KIAA0825: variants seen among roughly 807,000 people sequenced by gnomAD.
KIAA0825 encodes uncharacterized protein KIAA0825.
A neutral mutation model predicts 147.6 loss-of-function variants in KIAA0825; 119 were observed. That is an observed-to-expected ratio of 0.81 (90% CI 0.69 to 0.94). KIAA0825 has a LOEUF of 0.94. Ranked by LOEUF, KIAA0825 falls within the 40% of genes least tolerant of loss-of-function variation. The pLI, the probability that KIAA0825 is intolerant of heterozygous loss-of-function variation, is 0.00. For synonymous variants in KIAA0825, 470 were observed against 518.1 expected, an observed-to-expected ratio of 0.91 and a Z score of 1.26; for missense variants, 1,381 against 1,472.7, an observed-to-expected ratio of 0.94 and a Z score of 1.02.
At chr5:94,288,894 G>T (rs969864185) in intron 20 of KIAA0825, among the ~76,000 whole-genome samples, 1 of 152,126 alleles carries the variant, frequency 6.6e-6, no homozygotes, top group African/African-American at 2.4e-5. Flanking sequence ...ACTTAAAATC[G>T]TATTAAAAGA....
chr5:94,467,936 A>C (rs946014056), intron 10 of KIAA0825, among the ~76,000 whole-genome samples: 3 of 152,216 alleles, frequency 2.0e-5, no homozygotes, highest in Non-Finnish European at 2.9e-5. Flanking sequence ...GTTTAAAATC[A>C]GTGCTATTTT....
At chr5:94,437,082 C>G (rs962180697) in intron 14 of KIAA0825, among the ~76,000 whole-genome samples, 2 of 152,118 alleles carry the variant, frequency 1.3e-5, no homozygotes, top group African/African-American at 4.8e-5. Context: ...ATATATAATT[C>G]AGAGTATTTT....
At chr5:94,540,681 G>A (rs931886984) in intron 2 of KIAA0825, among the ~76,000 whole-genome samples, 2 of 152,200 alleles carry the variant, frequency 1.3e-5, no homozygotes, top group Non-Finnish European at 2.9e-5. Context: ...TCATGTGACT[G>A]AAGTAATATT....
chr5:94,352,633 C>A (rs414577), intron 20 of KIAA0825, among the ~76,000 whole-genome samples: 58,839 of 151,994 alleles, frequency 0.39, 11,783 homozygotes, highest in African/African-American at 0.47. Context: ...TGTTTATAGC[C>A]GCACAATTCA....
At chr5:94,330,256 G>C (rs1781134059) in intron 20 of KIAA0825, among the ~76,000 whole-genome samples, 1 of 152,138 alleles carries the variant, frequency 6.6e-6, no homozygotes. Flanking sequence ...TTATAGAACA[G>C]GTCTCCCAGT....
At chr5:94,398,515 C>T (rs1408795785) in intron 16 of KIAA0825, among the ~76,000 whole-genome samples, 1 of 152,126 alleles carries the variant, frequency 6.6e-6, no homozygotes, top group Admixed American at 6.5e-5. Flanking sequence ...AGTTCAAAAT[C>T]CTCTCCTCTC....
intron 20 of KIAA0825, among the ~76,000 whole-genome samples, chr5:94,199,694 C>T (rs1363594236): frequency 6.6e-6 from 1 of 152,168 alleles, no homozygotes; most frequent in Non-Finnish European, 1.5e-5. Context: ...TGGCAGCACT[C>T]ATGTGCTGGT....
chr5:94,474,213 C>T (rs1761571091), intron 7 of KIAA0825, among the ~76,000 whole-genome samples: 1 of 152,128 alleles, frequency 6.6e-6, no homozygotes, highest in African/African-American at 2.4e-5. Flanking sequence ...GGTTGAGCTA[C>T]AGTTGAGGGG....
chr5:94,612,678 A>G (rs1585045050), intron 1 of KIAA0825, among the ~76,000 whole-genome samples: 1 of 152,296 alleles, frequency 6.6e-6, no homozygotes, highest in East Asian at 1.9e-4. Context: ...TTTAATCTTC[A>G]CAAAAGGCCT....
chr5:94,574,600 ATTAACT>A (rs1346099230), intron 2 of KIAA0825, among the ~76,000 whole-genome samples: 4 of 151,682 alleles, frequency 2.6e-5, no homozygotes, highest in African/African-American at 9.7e-5. Flanking sequence ...AGTCCCAGAC[ATTAACT>A]TTAGAAGTAG....
intron 5 of KIAA0825, chr5:94,519,174 A>G (rs927903709): frequency 4.6e-6 from 4 of 867,516 alleles, no homozygotes; most frequent in Non-Finnish European, 5.5e-6. Flanking sequence ...AAATTTTAAG[A>G]CAAAATATTA....
chr5:94,589,440 C>T (rs189618736), intron 1 of KIAA0825, among the ~76,000 whole-genome samples: 2 of 152,260 alleles, frequency 1.3e-5, no homozygotes, highest in Non-Finnish European at 2.9e-5. Flanking sequence ...TTTGACCCTC[C>T]TCACCAAAAC....
chr5:94,566,163 C>G (rs1451897641), intron 2 of KIAA0825, among the ~76,000 whole-genome samples: 1 of 152,074 alleles, frequency 6.6e-6, no homozygotes, highest in Non-Finnish European at 1.5e-5. Flanking sequence ...TTTCTTAATC[C>G]ATTAATCTGT....
intron 13 of KIAA0825, among the ~76,000 whole-genome samples, chr5:94,448,312 G>A (rs1757980739): frequency 6.6e-6 from 1 of 151,438 alleles, no homozygotes; most frequent in Non-Finnish European, 1.5e-5. Flanking sequence ...TATTCCCAGG[G>A]TTCTAGGAGA....
rs1319798351 is a variant in KIAA0825 at position 94,396,581 on chromosome 5, T to C, written c.2888-72A>G. The C allele has an allele frequency of 6.6e-6, 8 of 1,209,220 alleles. No individual in the cohort carries two copies. In the Admixed American group the frequency reaches 1.1e-4, roughly 16 times the overall value. The allele number at this position is 1,209,220 out of a possible 1,614,324, so 74.9% of individuals were successfully genotyped here. A position where few individuals can be genotyped will look rare whatever the true frequency, so the allele number is the denominator to read the frequency against. On this transcript the variant is annotated intron_variant, in intron 16 of 20. Transcript: ENST00000682413. ...AATCACTGCATGGTTTTGTGTTGTATAAGGATGTCTAATTTTTGTGGAGAA... is the reference window on the plus strand; with the variant it reads ...AATCACTGCATGGTTTTGTGTTGTACAAGGATGTCTAATTTTTGTGGAGAA...
chr5:94,550,617 C>T (rs1179690736), intron 2 of KIAA0825, among the ~76,000 whole-genome samples: 25 of 152,096 alleles, frequency 1.6e-4, no homozygotes, highest in African/African-American at 3.4e-4. Context: ...CCGAGGCAGG[C>T]GGATCACGAG....
intron 3 of KIAA0825, among the ~76,000 whole-genome samples, chr5:94,528,927 C>T (rs1444852310): frequency 6.6e-6 from 1 of 151,452 alleles, no homozygotes; most frequent in Non-Finnish European, 1.5e-5. Flanking sequence ...CAGCATTTGC[C>T]CTGTGCCAAC....
chr5:94,269,022 AT>A (rs1374014176), intron 20 of KIAA0825, among the ~76,000 whole-genome samples: 2 of 152,046 alleles, frequency 1.3e-5, no homozygotes, highest in African/African-American at 2.4e-5. Flanking sequence ...TTATTCATCT[AT>A]TTTTTTCATC....
chr5:94,588,950 C>G (rs182406518), intron 1 of KIAA0825, among the ~76,000 whole-genome samples: 1 of 152,106 alleles, frequency 6.6e-6, no homozygotes, highest in African/African-American at 2.4e-5. Context: ...TGTTGTCACT[C>G]ATAAACGGGA....
Sources: allele counts gnomAD v4.1 joint callset (sites outside exome capture counted in the v4.1 genomes callset), GRCh38; gene constraint gnomAD v4.1.1; transcripts MANE v1.5; gene names NCBI Gene and HGNC (gene_info 2026-07-23, HGNC 2026-07-21).